SAMD5: variants seen among roughly 807,000 people sequenced by gnomAD.
SAMD5 encodes sterile alpha motif domain containing 5.
In SAMD5, 13 loss-of-function variants were observed where a neutral mutation model predicts 11.3. The ratio of observed to expected loss-of-function variants is 1.15; its 90% CI spans 0.75 to 1.83. SAMD5 has a LOEUF of 1.83. Ranked by LOEUF, SAMD5 falls within the 40% of genes most tolerant of loss-of-function variation. The probability of loss-of-function intolerance (pLI) is 0.00; values close to 1 mark genes in which losing one functional copy is unlikely to be tolerated. For synonymous variants in SAMD5, 129 were observed against 111.3 expected (o/e 1.16, Z -1.00); for missense variants, 255 against 239.1 (o/e 1.07, Z -0.44).
chr6:147,804,135 A>G, the SAMD5 span, among the ~76,000 whole-genome samples: 1 of 136,844 alleles, frequency 7.3e-6, no homozygotes, highest in Non-Finnish European at 1.5e-5. Context: ...TTTTTGATAC[A>G]GTCTTGCTGT....
At chr6:147,742,377 T>C (rs928115030), downstream of SAMD5, among the ~76,000 whole-genome samples, 12 of 152,166 alleles carry the variant, frequency 7.9e-5, no homozygotes, top group Non-Finnish European at 1.5e-4. Context: ...TTCTTTCCCT[T>C]GTACTGCAGA....
intron 1 of SAMD5, among the ~76,000 whole-genome samples, chr6:147,731,588 A>G (rs952493603): frequency 2.0e-5 from 3 of 149,882 alleles, no homozygotes; most frequent in African/African-American, 7.4e-5. Flanking sequence ...TTAGTTTCCC[A>G]GTGAATAATC....
At chr6:147,762,779 AGTCAAAATATT>A in the SAMD5 span, among the ~76,000 whole-genome samples, 1 of 152,168 alleles carries the variant, frequency 6.6e-6, no homozygotes, top group Non-Finnish European at 1.5e-5. Flanking sequence ...CTCCCATATC[AGTCAAAATATT>A]TATTTAATAG....
At chr6:147,833,294 G>A in the SAMD5 span, among the ~76,000 whole-genome samples, 1 of 152,172 alleles carries the variant, frequency 6.6e-6, no homozygotes, top group Non-Finnish European at 1.5e-5. Context: ...AGTGTTGACA[G>A]CAAATCTCAA....
intron 1 of SAMD5, among the ~76,000 whole-genome samples, chr6:147,645,891 G>A (rs375199201): frequency 5.3e-5 from 8 of 152,238 alleles, no homozygotes; most frequent in Admixed American, 1.3e-4. Flanking sequence ...TCCACGGGCC[G>A]GAACTGGCTC....
At chr6:147,630,614 C>G (rs534771616) in intron 1 of SAMD5, among the ~76,000 whole-genome samples, 1 of 151,884 alleles carries the variant, frequency 6.6e-6, no homozygotes, top group Non-Finnish European at 1.5e-5. Flanking sequence ...CCACCCAAAT[C>G]CTATAAAACA....
intron 1 of SAMD5, among the ~76,000 whole-genome samples, chr6:147,519,511 T>C (rs922678278): frequency 1.3e-5 from 2 of 152,234 alleles, no homozygotes. Context: ...ACTGTTTTAA[T>C]TTTTCAACAC....
At chr6:147,814,135 C>G in the SAMD5 span, among the ~76,000 whole-genome samples, 6 of 152,120 alleles carry the variant, frequency 3.9e-5, no homozygotes, top group African/African-American at 1.4e-4. Context: ...CCTACATAGG[C>G]ATAGGATCCA....
At chr6:147,824,019 CCCAAGG>C in the SAMD5 span, among the ~76,000 whole-genome samples, 1 of 152,160 alleles carries the variant, frequency 6.6e-6, no homozygotes, top group Non-Finnish European at 1.5e-5. Context: ...CTCTGACTTA[CCCAAGG>C]CCTCTCAGCA....
the SAMD5 span, among the ~76,000 whole-genome samples, chr6:147,888,885 C>CA: frequency 8.8e-4 from 119 of 134,770 alleles, no homozygotes; most frequent in Middle Eastern, 4.3e-3. Context: ...AACTCCATCT[C>CA]AAAAAAAAAA....
At chr6:147,687,572 C>A (rs546554069) in intron 1 of SAMD5, among the ~76,000 whole-genome samples, 1 of 152,264 alleles carries the variant, frequency 6.6e-6, no homozygotes, top group East Asian at 1.9e-4. Context: ...TATCTGGAAT[C>A]ATTTACCCCT....
the SAMD5 span, among the ~76,000 whole-genome samples, chr6:147,850,801 A>G: frequency 2.6e-5 from 4 of 151,882 alleles, no homozygotes; most frequent in African/African-American, 9.7e-5. Context: ...TGTTTGTGCT[A>G]TGCCCATTTA....
At chr6:147,929,898 G>A in the SAMD5 span, among the ~76,000 whole-genome samples, 1 of 152,160 alleles carries the variant, frequency 6.6e-6, no homozygotes, top group East Asian at 1.9e-4. Context: ...GGTTAAGTTA[G>A]TTACAAACCA....
chr6:147,868,845 C>T, the SAMD5 span, among the ~76,000 whole-genome samples: 6 of 152,176 alleles, frequency 3.9e-5, no homozygotes, highest in Non-Finnish European at 8.8e-5. Flanking sequence ...ATGTAAACAC[C>T]TCTGAGTGAA....
chr6:147,700,735 T>C (rs551944356), intron 1 of SAMD5, among the ~76,000 whole-genome samples: 2 of 152,376 alleles, frequency 1.3e-5, no homozygotes, highest in East Asian at 3.9e-4. Flanking sequence ...AGCCGTATTA[T>C]TTTACAGAGT....
the SAMD5 span, among the ~76,000 whole-genome samples, chr6:147,888,085 A>G: frequency 1.6e-3 from 246 of 152,214 alleles, 3 homozygotes; most frequent in East Asian, 7.7e-3. Context: ...TGTAAATCCC[A>G]TTTTCTTTCT....
chr6:147,910,081 C>A, the SAMD5 span, among the ~76,000 whole-genome samples: 2 of 152,038 alleles, frequency 1.3e-5, no homozygotes, highest in Non-Finnish European at 2.9e-5. Context: ...ATCATCTAAT[C>A]CCTCAAGAAC....
the SAMD5 span, among the ~76,000 whole-genome samples, chr6:147,885,175 TAGGCC>T: frequency 6.6e-6 from 1 of 152,138 alleles, no homozygotes; most frequent in East Asian, 1.9e-4. Flanking sequence ...GTGTTGTCTG[TAGGCC>T]AGGTGTGGTC....
intron 1 of SAMD5, among the ~76,000 whole-genome samples, chr6:147,604,147 G>A (rs993637508): frequency 1.3e-5 from 2 of 151,570 alleles, no homozygotes; most frequent in African/African-American, 4.8e-5. Flanking sequence ...TGCAAATTTA[G>A]CACAACAGCC....
Sources: gnomAD v4.1 joint callset for allele counts (sites outside exome capture counted in the v4.1 genomes callset) on GRCh38, gnomAD v4.1.1 for gene constraint, MANE v1.5 for transcripts, NCBI Gene and HGNC (gene_info 2026-07-23, HGNC 2026-07-21) for gene names.